Variants in AKAP7 observed in about 807,000 individuals in gnomAD.
The protein encoded by AKAP7 is A kinase (PRKA) anchor protein 7.
In AKAP7, 39 loss-of-function variants were observed where a neutral mutation model predicts 39.5. The observed-to-expected ratio is 0.99, with a 90% confidence interval of 0.76 to 1.29. The LOEUF is 1.29. Ranked by LOEUF, AKAP7 falls within the 50% of genes most tolerant of loss-of-function variation. The pLI is 0.00. For synonymous variants in AKAP7, 140 were observed against 139.1 expected (o/e 1.01, Z -0.05); for missense variants, 414 against 407.7 (o/e 1.02, Z -0.13).
intron 7 of AKAP7, among the ~76,000 whole-genome samples, chr6:131,234,383 C>T (rs2128307884): frequency 6.6e-6 from 1 of 152,144 alleles, no homozygotes; most frequent in South Asian, 2.1e-4. Flanking sequence ...TAATGGGAAC[C>T]AAGTGAAGGT....
intron 6 of AKAP7, among the ~76,000 whole-genome samples, chr6:131,201,387 C>G (rs990047969): frequency 6.6e-6 from 1 of 152,168 alleles, no homozygotes; most frequent in Admixed American, 6.5e-5. Context: ...AAATCTAAAT[C>G]AGATTGCATT....
chr6:131,133,881 A>G (rs1000922539), upstream of AKAP7, among the ~76,000 whole-genome samples: 1 of 152,216 alleles, frequency 6.6e-6, no homozygotes, highest in African/African-American at 2.4e-5. Context: ...GCCTTTTTGC[A>G]GTATGGGAAG....
chr6:131,145,324 A>T lies in AKAP7; in HGVS notation c.59A>T (p.Lys20Ile). The change falls in exon 2 of 8, where the codon AAA becomes ATA. Residue 20 changes from lysine to isoleucine, a missense_variant. Transcript: ENST00000431975. ...NSNECENVSRKKKMSEEFEAN... is the reference protein window; with the variant it reads ...NSNECENVSRIKKMSEEFEAN... Reference sequence around the variant, plus strand: ...AATGAGTGTGAAAATGTATCAAGAAAAAAGAAAATGTCAGAGGAATTTGAA... The same window carrying T: ...AATGAGTGTGAAAATGTATCAAGAATAAAGAAAATGTCAGAGGAATTTGAA... The T allele has an allele frequency of 3.2e-6, 5 of 1,557,890 alleles. No individual in the cohort carries two copies. The highest frequency in any genetic ancestry group is 4.4e-6 in the Non-Finnish European group (5 of 1,147,780).
chr6:131,250,555 C>T (rs1004634750), intron 7 of AKAP7: 1 of 1,614,016 alleles, frequency 6.2e-7, no homozygotes, highest in Non-Finnish European at 8.5e-7. Context: ...GAAAGACAGA[C>T]AGGACCAGTG....
intron 7 of AKAP7, among the ~76,000 whole-genome samples, chr6:131,259,904 G>A (rs561149313): frequency 1.3e-5 from 2 of 152,230 alleles, no homozygotes; most frequent in East Asian, 1.9e-4. Flanking sequence ...CATCACCCAG[G>A]TATTAAGCCT....
intron 7 of AKAP7, among the ~76,000 whole-genome samples, chr6:131,224,929 A>G (rs997331789): frequency 1.3e-5 from 2 of 150,300 alleles, no homozygotes; most frequent in Non-Finnish European, 3.0e-5. Context: ...TTTTTTTTTA[A>G]TATTTTTAGT....
At chr6:131,188,418 G>C (rs374960569) in intron 5 of AKAP7, among the ~76,000 whole-genome samples, 1 of 152,122 alleles carries the variant, frequency 6.6e-6, no homozygotes, top group Non-Finnish European at 1.5e-5. Context: ...GAGATTTTTC[G>C]TATTATATGT....
At chr6:131,239,957 C>T (rs1244958877) in intron 7 of AKAP7, among the ~76,000 whole-genome samples, 7 of 152,224 alleles carry the variant, frequency 4.6e-5, no homozygotes, top group African/African-American at 9.6e-5. Flanking sequence ...TGAGGAGCTG[C>T]GTTCCTTTGG....
At chr6:131,146,319 GT>G (rs1008362352) in intron 2 of AKAP7, among the ~76,000 whole-genome samples, 8 of 152,298 alleles carry the variant, frequency 5.3e-5, no homozygotes, top group African/African-American at 1.9e-4. Context: ...ATCCAAATCT[GT>G]GTTTTGGCCA....
At chr6:131,153,545 G>A (rs563448722) in intron 2 of AKAP7, among the ~76,000 whole-genome samples, 1 of 148,386 alleles carries the variant, frequency 6.7e-6, no homozygotes, top group African/African-American at 2.5e-5. Flanking sequence ...TTTTTTTTTT[G>A]CAAAATGGAT....
In AKAP7 at chr6:131,166,761, G is replaced by A. The variant is rs151279298; in HGVS notation, c.428+1544G>A. On this transcript the variant is annotated intron_variant, in intron 4 of 7. Coordinates refer to ENST00000431975, the MANE Select transcript of AKAP7 (RefSeq NM_016377.4). ...AGAATGGAATTGATGAGGTTTCTGG[G>A]AAGACATTGTTTATGTGAACAATTT... is the stretch of plus-strand genomic sequence containing the variant. Among the ~76,000 whole-genome samples, 478 of 152,250 alleles carry A rather than the reference G, an allele frequency of 3.1e-3. 2 individuals are homozygous for A. Among genetic ancestry groups the A allele is most frequent in the Non-Finnish European group, 5.3e-3 (361 of 68,008 alleles).
At chr6:131,207,318 AT>A (rs397830207) in intron 6 of AKAP7, among the ~76,000 whole-genome samples, 1,541 of 139,860 alleles carry the variant, frequency 0.011, 38 homozygotes, top group East Asian at 0.1. Flanking sequence ...TACTCTACAC[AT>A]TTTTTTTTTT....
intron 5 of AKAP7, among the ~76,000 whole-genome samples, chr6:131,183,022 G>A (rs1226622256): frequency 3.9e-5 from 6 of 152,092 alleles, no homozygotes; most frequent in South Asian, 2.1e-4. Flanking sequence ...AAAAACCACC[G>A]TCATGGAAAT....
upstream of AKAP7, among the ~76,000 whole-genome samples, chr6:131,130,947 T>TA (rs1393660797): frequency 6.6e-6 from 1 of 152,156 alleles, no homozygotes; most frequent in Non-Finnish European, 1.5e-5. Context: ...AAATAGAAAT[T>TA]AAAAAATTTT....
In AKAP7 at chr6:131,135,781, G is replaced by C. The variant is rs1800479773; in HGVS notation, c.18G>C (p.Ala6=). The C allele has an allele frequency of 8.1e-7, 1 of 1,228,894 alleles. No homozygotes were observed. The highest frequency in any genetic ancestry group is 1.0e-6 in the Non-Finnish European group (1 of 986,488). 76.1% of individuals were successfully genotyped at this position (1,228,894 alleles called of 1,614,324 possible). The change falls in exon 1 of 8, where the codon GCG becomes GCC. Residue 6 remains alanine, a splice_region_variant and synonymous_variant. Transcript: ENST00000431975. ...CCGCGACCATGGAGCGCCCCGAAGC[G>C]GGTGAGACCGGGCTGTCCAGCGGGC... MERPE[A]GGINSNECEN...
At chr6:131,152,889 G>T (rs1198207141) in intron 2 of AKAP7, among the ~76,000 whole-genome samples, 1 of 151,598 alleles carries the variant, frequency 6.6e-6, no homozygotes, top group Non-Finnish European at 1.5e-5. Flanking sequence ...AGCACTTTGG[G>T]AGGCCAGGGC....
chr6:131,271,722 T>C (rs80211292), intron 7 of AKAP7, among the ~76,000 whole-genome samples: 19,714 of 151,930 alleles, frequency 0.13, 1,412 homozygotes, highest in Non-Finnish European at 0.15. Context: ...ATGGGAAAAG[T>C]ACAGGGAAAA....
At chr6:131,259,055 C>T (rs528778031) in intron 7 of AKAP7, among the ~76,000 whole-genome samples, 17 of 152,272 alleles carry the variant, frequency 1.1e-4, no homozygotes, top group African/African-American at 3.4e-4. Flanking sequence ...AGCCCCTCCC[C>T]GGCTTCTCTC....
chr6:131,138,210 C>A (rs982880558), intron 1 of AKAP7, among the ~76,000 whole-genome samples: 2 of 152,110 alleles, frequency 1.3e-5, no homozygotes, highest in South Asian at 2.1e-4. Context: ...TAAGTGAGAA[C>A]ATAGAAAGTT....
Sources: gnomAD v4.1 joint callset for allele counts (sites outside exome capture counted in the v4.1 genomes callset) on GRCh38, gnomAD v4.1.1 for gene constraint, MANE v1.5 for transcripts, NCBI Gene and HGNC (gene_info 2026-07-23, HGNC 2026-07-21) for gene names.